The following FAM193A variants were observed in gnomAD, a reference collection of about 807,000 sequenced individuals.
FAM193A encodes protein FAM193A.
A neutral mutation model predicts 126.5 loss-of-function variants in FAM193A; 22 were observed. The observed-to-expected ratio is 0.17, with a 90% CI of 0.12 to 0.25. FAM193A has a LOEUF of 0.25. FAM193A is among the 10% of genes least tolerant of loss of function. The pLI is 1.00. For synonymous variants in FAM193A, 761 were observed against 646.8 expected (o/e 1.18, Z -2.68); for missense variants, 1,675 against 1,672.8 (o/e 1.00, Z -0.02).
Position 2,630,379 on chromosome 4 carries a change from A to G in FAM193A, c.804-556A>G, listed in dbSNP as rs1743439757. Among the ~76,000 whole-genome samples the G allele has an allele frequency of 2.0e-5, 3 of 152,140 alleles. No individual in the cohort carries two copies. In the South Asian group the frequency reaches 6.2e-4, roughly 32 times the overall value. ...TAAAGTTTCCTCTTTTGATAAGCCT[A>G]ATACAAACCCATTTGGATTGTACAC... is the stretch of plus-strand genomic sequence containing the variant. On this transcript the variant is annotated intron_variant, in intron 4 of 20. Transcript: ENST00000637812.
chr4:2,688,714 G>T (rs369083584), intron 13 of FAM193A, among the ~76,000 whole-genome samples: 1 of 152,244 alleles, frequency 6.6e-6, no homozygotes, highest in Admixed American at 6.5e-5. Context: ...GGAAGAGTTC[G>T]TGGTGCAAAT....
chr4:2,620,710 G>T (rs549032083), intron 2 of FAM193A, among the ~76,000 whole-genome samples: 37 of 151,248 alleles, frequency 2.4e-4, no homozygotes, highest in African/African-American at 7.5e-4. Flanking sequence ...TTAGCCAGGG[G>T]TGGTGGTGGG....
At chr4:2,669,494 A>G (rs931868047) in intron 12 of FAM193A, among the ~76,000 whole-genome samples, 4 of 152,166 alleles carry the variant, frequency 2.6e-5, no homozygotes, top group African/African-American at 9.7e-5. Flanking sequence ...TTGTCATCCC[A>G]GCTACTTGGG....
intron 2 of FAM193A, among the ~76,000 whole-genome samples, chr4:2,603,028 G>A (rs1367992565): frequency 1.5e-5 from 2 of 133,582 alleles, no homozygotes; most frequent in African/African-American, 5.8e-5. Flanking sequence ...GAGTGCAGTG[G>A]CGCCATCTCA....
At chr4:2,685,897 G>C (rs1037207786) in intron 13 of FAM193A, among the ~76,000 whole-genome samples, 16 of 152,170 alleles carry the variant, frequency 1.1e-4, no homozygotes, top group Non-Finnish European at 2.4e-4. Context: ...CCTTTTCTAT[G>C]GATTACTTCT....
Position 2,731,933 on chromosome 4 carries a change from C to T in FAM193A, c.*65C>T. ...AGGCTGCACCACCCCAAGAGCCACG[C>T]CCCTCGCTGGCGCCCCAGAGCCGTG... is the stretch of plus-strand genomic sequence containing the variant. On this transcript the variant is annotated 3_prime_UTR_variant, in exon 21 of 21. Coordinates refer to ENST00000637812, the MANE Select transcript of FAM193A (RefSeq NM_001366318.2). The T allele has an allele frequency of 8.0e-7, 1 of 1,256,428 alleles. No individual in the cohort carries two copies. The highest frequency in any genetic ancestry group is 1.2e-6 in the Non-Finnish European group (1 of 858,358). The allele number at this position is 1,256,428 out of a possible 1,614,324, so 77.8% of individuals were successfully genotyped here.
chr4:2,585,692 C>A (rs1481051910), intron 1 of FAM193A, among the ~76,000 whole-genome samples: 1 of 151,800 alleles, frequency 6.6e-6, no homozygotes, highest in Non-Finnish European at 1.5e-5. Flanking sequence ...TTGGGGAGGC[C>A]AAAGTGGGCG....
Position 2,549,993 on chromosome 4 carries a change from C to T in FAM193A, c.255+12823C>T, listed in dbSNP as rs563677738. Reference sequence around the variant, plus strand: ...CTGCCCTCCTTGGCTTCCCAAAGTGCGGGGATTACAGGCATGAGCCACCGC... The same window carrying T: ...CTGCCCTCCTTGGCTTCCCAAAGTGTGGGGATTACAGGCATGAGCCACCGC... On this transcript the variant is annotated intron_variant, in intron 1 of 20. Transcript: ENST00000637812. Among the ~76,000 whole-genome samples, 20 of 146,824 alleles carry T rather than the reference C, an allele frequency of 1.4e-4. 1 individual carries two copies. The highest frequency in any genetic ancestry group is 7.8e-3 in the Middle Eastern group (2 of 256).
chr4:2,547,851 T>C (rs574144460), intron 1 of FAM193A, among the ~76,000 whole-genome samples: 2 of 150,804 alleles, frequency 1.3e-5, no homozygotes, highest in East Asian at 4.0e-4. Context: ...TCTCGAACTC[T>C]TGAACTTAAG....
Position 2,549,401 on chromosome 4 carries a change from T to C in FAM193A, c.255+12231T>C, listed in dbSNP as rs187260803. On this transcript the variant is annotated intron_variant, in intron 1 of 20. Transcript: ENST00000637812. ...CTCTATGTTTTCTTTTTTTCTTTTT[T>C]TTTTTTTTTTTTTGAGACGGAGTCT... is the stretch of plus-strand genomic sequence containing the variant. Among the ~76,000 whole-genome samples, 30 of 138,436 alleles carry C rather than the reference T, an allele frequency of 2.2e-4. 1 individual carries two copies. The East Asian group carries it at 3.8e-3, about 17-fold the overall frequency. The allele number at this position is 138,436 out of a possible 152,430, so 90.8% of individuals were successfully genotyped here.
intron 4 of FAM193A, among the ~76,000 whole-genome samples, chr4:2,627,870 G>A (rs1244945463): frequency 6.6e-6 from 1 of 152,012 alleles, no homozygotes; most frequent in Non-Finnish European, 1.5e-5. Flanking sequence ...AGCCTGCCGA[G>A]TAGCTGGGAC....
At chr4:2,543,842 C>T (rs1045412445) in intron 1 of FAM193A, among the ~76,000 whole-genome samples, 12 of 120,358 alleles carry the variant, frequency 1.0e-4, no homozygotes, top group African/African-American at 3.7e-4. Flanking sequence ...TGCACTTCAG[C>T]CTGCACAAAA....
chr4:2,700,593 C>T (rs2109311559), intron 19 of FAM193A, 49 bp downstream of exon 19: 1 of 1,570,890 alleles, frequency 6.4e-7, no homozygotes, highest in African/African-American at 1.4e-5. Context: ...CCTGGTTTTC[C>T]ATGTGTGATG....
chr4:2,672,993 A>G (rs547466023), intron 13 of FAM193A, among the ~76,000 whole-genome samples: 2 of 152,284 alleles, frequency 1.3e-5, no homozygotes, highest in South Asian at 4.1e-4. Flanking sequence ...AAATAAGTTG[A>G]TTTTTATGCA....
At chr4:2,646,647 G>T in intron 6 of FAM193A, 38 bp from the exon 7 acceptor site, 1 of 1,558,312 alleles carries the variant, frequency 6.4e-7, no homozygotes, top group South Asian at 1.2e-5. Context: ...CAGAGCCTTT[G>T]GGTTCTTTCC....
rs1487846001 is a variant in FAM193A, at chr4:2,689,803, C to T, written c.2530+99C>T. On this transcript the variant is annotated intron_variant, in intron 14 of 20. Coordinates refer to ENST00000637812, the MANE Select transcript of FAM193A (RefSeq NM_001366318.2). ...CGTGGAAGCCCTGGCGCAGCTGTAG[C>T]CAGCTGCTGCTCCACCACCTCTGTC... The T allele has an allele frequency of 3.8e-6, 3 of 792,924 alleles. No homozygotes were observed. In the East Asian group the frequency reaches 9.0e-5, roughly 24 times the overall value. The allele number at this position is 792,924 out of a possible 1,614,324, so 49.1% of individuals were successfully genotyped here.
At chr4:2,728,012 A>G (rs925256304) in intron 20 of FAM193A, among the ~76,000 whole-genome samples, 48 of 151,592 alleles carry the variant, frequency 3.2e-4, no homozygotes, top group African/African-American at 1.1e-3. Context: ...GCTCACCGCA[A>G]CCTCCGCCTG....
intron 20 of FAM193A, among the ~76,000 whole-genome samples, chr4:2,723,103 C>T (rs1452615569): frequency 6.6e-6 from 1 of 151,902 alleles, no homozygotes; most frequent in Non-Finnish European, 1.5e-5. Context: ...GAAACCCCAC[C>T]TCTACTAAAA....
rs552310834 is a variant in FAM193A, at chr4:2,628,939, G to A, written c.804-1996G>A. 1.7e-4 allele frequency among the ~76,000 whole-genome samples: 25 copies of A among 150,210 alleles called. No homozygotes were observed. In the East Asian group the frequency reaches 3.1e-3, roughly 19 times the overall value. On this transcript the variant is annotated intron_variant, in intron 4 of 20. Transcript: ENST00000637812. ...GCAGTCTTGGCTCACTGCAAGCTCC[G>A]CCTGGCGGGTTCATGCCATTCTCCT...
Sources: allele counts gnomAD v4.1 joint callset (sites outside exome capture counted in the v4.1 genomes callset), GRCh38; gene constraint gnomAD v4.1.1; transcripts MANE v1.5; gene names NCBI Gene and HGNC (gene_info 2026-07-23, HGNC 2026-07-21).